RAPGEF6: variants seen among roughly 807,000 people sequenced by gnomAD.
The protein encoded by RAPGEF6 is PDZ domain containing guanine nucleotide exchange factor (GEF) 2.
Under a neutral mutation model 171.4 loss-of-function variants are expected in RAPGEF6, and 56 were observed. The ratio of observed to expected loss-of-function variants is 0.33; its 90% confidence interval spans 0.26 to 0.41. The LOEUF is 0.41. RAPGEF6 is among the 10% of genes least tolerant of loss of function. The pLI, the probability that RAPGEF6 is intolerant of heterozygous loss-of-function variation, is 1.00. For missense variants in RAPGEF6, 1,674 were observed against 1,921.4 expected, an observed-to-expected ratio of 0.87 and a Z score of 2.41; for synonymous variants, 692 against 650.1, an observed-to-expected ratio of 1.06 and a Z score of -0.98.
chr5:131,628,149 A>T (rs1407675990), intron 1 of RAPGEF6, among the ~76,000 whole-genome samples: 7 of 152,214 alleles, frequency 4.6e-5, no homozygotes, highest in Non-Finnish European at 1.0e-4. Context: ...CAAAAGCTAG[A>T]AATGATTAAA....
At chr5:131,431,777 C>T (rs937494704) in intron 25 of RAPGEF6, among the ~76,000 whole-genome samples, 2 of 151,782 alleles carry the variant, frequency 1.3e-5, no homozygotes, top group Admixed American at 6.6e-5. Context: ...CAGAGGTATG[C>T]CTGGCAAGTA....
chr5:131,435,854 GT>G, intron 24 of RAPGEF6: 5 of 1,432,330 alleles, frequency 3.5e-6, no homozygotes, highest in Non-Finnish European at 4.6e-6. Context: ...ATTTTACTAA[GT>G]TGTCTGCCTA....
At chr5:131,555,512 T>G (rs1184907844) in intron 5 of RAPGEF6, among the ~76,000 whole-genome samples, 1 of 152,062 alleles carries the variant, frequency 6.6e-6, no homozygotes, top group East Asian at 1.9e-4. Context: ...TATGCTAAAA[T>G]AAAAATCTTG....
At chr5:131,466,291 T>C (rs916812573) in intron 17 of RAPGEF6, among the ~76,000 whole-genome samples, 9 of 151,626 alleles carry the variant, frequency 5.9e-5, no homozygotes, top group Non-Finnish European at 1.5e-5. Context: ...TTCCTCAATG[T>C]ATTAAGAAAT....
At position 131,604,704 on chromosome 5, in the gene RAPGEF6, G is replaced by A. The variant is rs1029731993; in HGVS notation, c.70-11C>T. ...AATAGTATTTAAGTCCTGTGGAACA[G>A]AAGAAAAAAATTAGATTATTTTTCA... On this transcript the variant is annotated splice_polypyrimidine_tract_variant and intron_variant, in intron 1 of 27. Coordinates refer to ENST00000509018, the MANE Select transcript of RAPGEF6 (RefSeq NM_016340.6). 5.0e-6 allele frequency: 8 copies of A among 1,589,836 alleles called. No homozygotes were observed. The African/African-American group carries it at 8.2e-5, about 16-fold the overall frequency.
intron 1 of RAPGEF6, among the ~76,000 whole-genome samples, chr5:131,621,193 C>G (rs938819571): frequency 6.6e-6 from 1 of 152,188 alleles, no homozygotes; most frequent in African/African-American, 2.4e-5. Flanking sequence ...TTCCAAGAGC[C>G]TTTGTGGATA....
intron 5 of RAPGEF6, among the ~76,000 whole-genome samples, chr5:131,554,498 T>G (rs895393207): frequency 2.0e-5 from 3 of 152,226 alleles, no homozygotes; most frequent in Non-Finnish European, 2.9e-5. Context: ...GTTTAGCTAC[T>G]TATTAGCCTC....
chr5:131,543,039 T>C (rs1197096898), intron 6 of RAPGEF6, among the ~76,000 whole-genome samples: 2 of 152,184 alleles, frequency 1.3e-5, no homozygotes, highest in Non-Finnish European at 1.5e-5. Flanking sequence ...AATATTTCCA[T>C]CATAACAGAA....
At chr5:131,477,481 T>C (rs1468598357) in intron 16 of RAPGEF6, among the ~76,000 whole-genome samples, 3 of 152,190 alleles carry the variant, frequency 2.0e-5, no homozygotes, top group Non-Finnish European at 2.9e-5. Context: ...GATAGTCCTC[T>C]TTTTTGGGTA....
chr5:131,588,955 A>G (rs1164582309), intron 4 of RAPGEF6, among the ~76,000 whole-genome samples: 5 of 152,042 alleles, frequency 3.3e-5, no homozygotes, highest in Non-Finnish European at 5.9e-5. Flanking sequence ...CTGTAATCCC[A>G]GCTACTTGGG....
At chr5:131,433,338 C>T (rs1229163719) in intron 25 of RAPGEF6, 92 bp downstream of exon 25, 2 of 1,056,200 alleles carry the variant, frequency 1.9e-6, no homozygotes, top group African/African-American at 3.1e-5. Context: ...TGCAATTACC[C>T]CATGGGAGGT....
intron 6 of RAPGEF6, among the ~76,000 whole-genome samples, chr5:131,547,376 A>T (rs1031177997): frequency 3.3e-5 from 5 of 152,154 alleles, no homozygotes; most frequent in African/African-American, 1.2e-4. Flanking sequence ...TACTTTGGAA[A>T]CTGGTAACTA....
rs144996551 is a variant in RAPGEF6 at position 131,621,634 on chromosome 5, C to T, written c.69+13328G>A. Among the ~76,000 whole-genome samples, 768 of 152,208 alleles carry T rather than the reference C, an allele frequency of 5.0e-3. 30 individuals are homozygous for T. Among genetic ancestry groups the T allele is most frequent in the Admixed American group, 0.038 (586 of 15,288 alleles). On this transcript the variant is annotated intron_variant, in intron 1 of 27. Transcript: ENST00000509018. ...ATTACTCTAGATTATTTATTAATACCTAATACAGTGGAAATGCTATGTAAA... is the reference window on the plus strand; with the variant it reads ...ATTACTCTAGATTATTTATTAATACTTAATACAGTGGAAATGCTATGTAAA...
intron 11 of RAPGEF6, among the ~76,000 whole-genome samples, chr5:131,502,798 T>C (rs1048014079): frequency 6.6e-6 from 1 of 152,072 alleles, no homozygotes; most frequent in Non-Finnish European, 1.5e-5. Flanking sequence ...ACTGAATCTG[T>C]TTTTGTTTGT....
At position 131,429,004 on chromosome 5, in the gene RAPGEF6, C is replaced by G. The variant is rs1751536190; in HGVS notation, c.4678G>C (p.Ala1560Pro). 4 of 1,614,040 alleles carry G rather than the reference C, an allele frequency of 2.5e-6. No individual in the cohort carries two copies. In the African/African-American group the frequency reaches 5.3e-5, roughly 22 times the overall value. Reference protein sequence around the residue: ...PPASLSSNLVACVPSKIVTQP... With the variant: ...PPASLSSNLVPCVPSKIVTQP... ...GTTACAATCTTCGATGGAACACAGG[C>G]CACGAGGTTGCTACTGAGAGAAGCT... Residue 1560 changes from alanine (A) to proline (P), a missense_variant, in exon 27 of 28, where the codon GCC becomes CCC. By Grantham distance (27) the Ala-to-Pro change is conservative (BLOSUM62 -1). Around this residue, in one of 3 missense-constraint regions of RAPGEF6, gnomAD observed 552 missense variants for 574.2 expected, o/e 0.96. Transcript: ENST00000509018.
intron 17 of RAPGEF6, chr5:131,472,074 CTTT>C (rs34112867): frequency 1.3e-4 from 19 of 141,370 alleles, no homozygotes; most frequent in Admixed American, 3.4e-4. Flanking sequence ...TTTTTCTTTT[CTTT>C]TTTTTTTTTT....
chr5:131,566,548 G>A (rs1761949649), intron 4 of RAPGEF6, among the ~76,000 whole-genome samples: 2 of 151,892 alleles, frequency 1.3e-5, no homozygotes, highest in South Asian at 4.1e-4. Flanking sequence ...TTTTTTTCTT[G>A]TGATTTTTGC....
intron 4 of RAPGEF6, 117 bp downstream of exon 4, chr5:131,592,266 A>G (rs1048656698): frequency 4.8e-6 from 7 of 1,457,582 alleles, no homozygotes; most frequent in Non-Finnish European, 3.7e-6. Context: ...AGTATTTCCA[A>G]TGGTGCCAAC....
chr5:131,630,528 T>A (rs1248373767), intron 1 of RAPGEF6, among the ~76,000 whole-genome samples: 5 of 152,220 alleles, frequency 3.3e-5, no homozygotes, highest in Non-Finnish European at 7.3e-5. Context: ...AGTATTTAAG[T>A]CTGAAATTTT....
Sources: allele counts gnomAD v4.1 joint callset (sites outside exome capture counted in the v4.1 genomes callset), GRCh38; gene constraint gnomAD v4.1.1; regional missense constraint gnomAD v4.1.1; transcripts MANE v1.5; gene names NCBI Gene and HGNC (gene_info 2026-07-23, HGNC 2026-07-21).